Variants in MCU observed in about 807,000 individuals in gnomAD.
The protein encoded by MCU is mitochondrial calcium uniporter, also known as calcium uniporter protein, mitochondrial.
A neutral mutation model predicts 45.2 loss-of-function variants in MCU; 12 were observed. The ratio of observed to expected loss-of-function variants is 0.27; its 90% CI spans 0.17 to 0.43. MCU has a LOEUF of 0.43. MCU is among the 20% of genes least tolerant of loss of function. MCU has a pLI of 1.00. For synonymous variants in MCU, 160 were observed against 165.1 expected (o/e 0.97, Z 0.24); for missense variants, 324 against 436.7 (o/e 0.74, Z 2.30).
intron 1 of MCU, among the ~76,000 whole-genome samples, chr10:72,757,277 C>T (rs1468521029): frequency 3.3e-5 from 5 of 152,058 alleles, no homozygotes; most frequent in Non-Finnish European, 7.4e-5. Flanking sequence ...GAATCACCAC[C>T]ACCACCTCCT....
chr10:72,840,693 C>T (rs1001295037), intron 2 of MCU, among the ~76,000 whole-genome samples: 1 of 152,100 alleles, frequency 6.6e-6, no homozygotes, highest in South Asian at 2.1e-4. Flanking sequence ...GCACACAGAG[C>T]CTAAGTATTT....
intron 1 of MCU, among the ~76,000 whole-genome samples, chr10:72,753,880 CA>C (rs1367202146): frequency 1.3e-5 from 2 of 150,318 alleles, no homozygotes; most frequent in South Asian, 4.2e-4. Context: ...AGACTTTGTC[CA>C]AAAAAAACAA....
rs1438653445 is a variant in MCU, at chr10:72,859,365, A to G, written c.391+18A>G. ...TTCACCAGGTATAGTCACCATCATT[A>G]TTAATTACCATCTATCCCTCATTTC... On this transcript the variant is annotated intron_variant, in intron 3 of 7. Coordinates refer to ENST00000373053, the MANE Select transcript of MCU (RefSeq NM_138357.3). 1 of 1,590,946 alleles carries G rather than the reference A, an allele frequency of 6.3e-7. No individual in the cohort carries two copies. The highest frequency in any genetic ancestry group is 8.6e-7 in the Non-Finnish European group (1 of 1,166,366).
intron 1 of MCU, among the ~76,000 whole-genome samples, chr10:72,697,928 A>T (rs2132644858): frequency 6.7e-6 from 1 of 150,076 alleles, no homozygotes; most frequent in South Asian, 2.1e-4. Flanking sequence ...ATGTGTCACC[A>T]TGCCTAGCTC....
intron 1 of MCU, among the ~76,000 whole-genome samples, chr10:72,810,781 C>T (rs978710076): frequency 6.6e-6 from 1 of 152,108 alleles, no homozygotes; most frequent in African/African-American, 2.4e-5. Context: ...AGGTGTGAGC[C>T]ACTGCGCCTG....
Position 72,879,803 on chromosome 10 carries a change from T to C in MCU, c.862-4463T>C, listed in dbSNP as rs189077763. Among the ~76,000 whole-genome samples the C allele has an allele frequency of 3.5e-3, 537 of 152,218 alleles. 14 individuals are homozygous for C. The highest frequency in any genetic ancestry group is 2.1e-3 in the East Asian group (11 of 5,180). ...GCTCATGCCTGTAATCCCAGCACTTTGGGAGGCTGAGGCGGGCAGATCATT... is the reference window on the plus strand; with the variant it reads ...GCTCATGCCTGTAATCCCAGCACTTCGGGAGGCTGAGGCGGGCAGATCATT... On this transcript the variant is annotated intron_variant, in intron 6 of 7. Coordinates refer to ENST00000373053, the MANE Select transcript of MCU (RefSeq NM_138357.3).
Position 72,859,256 on chromosome 10 carries a change from A to T in MCU, c.300A>T (p.Thr100=). ...LPSRRERCQF[T]LKPISDSVGV... is the part of the protein sequence containing the mutation. ...CCCGGCGTGAACGCTGTCAGTTCAC[A>T]CTCAAGCCTATCTCTGACTCTGTTG... Residue 100 remains threonine (T), a synonymous_variant, in exon 3 of 8, where the codon ACA becomes ACT. Transcript: ENST00000373053. 2 of 1,613,522 alleles carry T rather than the reference A, an allele frequency of 1.2e-6. No individual in the cohort carries two copies. The highest frequency in any genetic ancestry group is 1.7e-6 in the Non-Finnish European group (2 of 1,179,742).
intron 1 of MCU, among the ~76,000 whole-genome samples, chr10:72,796,079 C>T (rs1844241132): frequency 6.6e-6 from 1 of 152,096 alleles, no homozygotes; most frequent in African/African-American, 2.4e-5. Context: ...CCAGGAAACC[C>T]AGGTCCATAC....
chr10:72,831,902 G>A (rs551104320), intron 1 of MCU, among the ~76,000 whole-genome samples: 7 of 152,218 alleles, frequency 4.6e-5, no homozygotes, highest in South Asian at 2.1e-4. Flanking sequence ...AGTGGTAAGC[G>A]ATGAAGTCAG....
intron 1 of MCU, among the ~76,000 whole-genome samples, chr10:72,761,197 CA>C (rs1843651961): frequency 6.6e-6 from 1 of 152,166 alleles, no homozygotes; most frequent in African/African-American, 2.4e-5. Flanking sequence ...TAATGTTTTG[CA>C]GTCCATTTTT....
chr10:72,793,474 C>G (rs1488100901), intron 1 of MCU, among the ~76,000 whole-genome samples: 1 of 152,092 alleles, frequency 6.6e-6, no homozygotes, highest in East Asian at 1.9e-4. Context: ...CAGGAATATA[C>G]TGGGTTCTGG....
intron 1 of MCU, among the ~76,000 whole-genome samples, chr10:72,814,822 A>G (rs1021590061): frequency 1.3e-5 from 2 of 152,258 alleles, no homozygotes; most frequent in Admixed American, 6.5e-5. Flanking sequence ...CTCAAATTAT[A>G]GATATGATCT....
At chr10:72,695,712 CTTT>C (rs201032987) in intron 1 of MCU, among the ~76,000 whole-genome samples, 19 of 138,478 alleles carry the variant, frequency 1.4e-4, no homozygotes, top group Admixed American at 1.5e-4. Flanking sequence ...AATTCCTTTA[CTTT>C]TTTTTTTTTT....
intron 1 of MCU, among the ~76,000 whole-genome samples, chr10:72,711,354 G>A: frequency 6.6e-6 from 1 of 151,378 alleles, no homozygotes; most frequent in East Asian, 2.0e-4. Context: ...CTGAGTAGCT[G>A]GGACCATAGG....
chr10:72,706,690 C>T (rs1174307194), intron 1 of MCU, among the ~76,000 whole-genome samples: 7 of 151,726 alleles, frequency 4.6e-5, no homozygotes, highest in Admixed American at 4.6e-4. Flanking sequence ...GCGTGCGCCA[C>T]CACATCCAGC....
chr10:72,768,122 C>CA (rs1025320157), intron 1 of MCU, among the ~76,000 whole-genome samples: 4 of 146,504 alleles, frequency 2.7e-5, no homozygotes, highest in Non-Finnish European at 6.1e-5. Context: ...ACAAAAAAAA[C>CA]AAAAAAACAA....
chr10:72,797,127 G>A (rs911778059), intron 1 of MCU, among the ~76,000 whole-genome samples: 1 of 151,926 alleles, frequency 6.6e-6, no homozygotes, highest in African/African-American at 2.4e-5. Flanking sequence ...CATGAACTGC[G>A]ATGGTCTAAG....
chr10:72,873,875 G>T (rs1050273418), intron 6 of MCU, among the ~76,000 whole-genome samples: 3 of 152,052 alleles, frequency 2.0e-5, no homozygotes, highest in Non-Finnish European at 4.4e-5. Context: ...CCCCATTGTG[G>T]GTTCGTGGTG....
chr10:72,791,472 ATTCTCTTTAGATAATGT>A lies in MCU; in HGVS notation c.151-42861_151-42845del, dbSNP rs1020246583. ...GTTTTTTATGTCAGTCCTTGGATGAATTCTCTTTAGATAATGTTTCTCTTTAGATAATGTTTCTCTTT... is the reference window on the plus strand; with the variant it reads ...GTTTTTTATGTCAGTCCTTGGATGAATTCTCTTTAGATAATGTTTCTCTTT... On this transcript the variant is annotated intron_variant, in intron 1 of 7. Transcript: ENST00000373053. Among the ~76,000 whole-genome samples the A allele has an allele frequency of 1.7e-4, 26 of 152,330 alleles. No individual in the cohort carries two copies. In the East Asian group the frequency reaches 1.9e-3, roughly 11 times the overall value.
Sources: allele counts gnomAD v4.1 joint callset (sites outside exome capture counted in the v4.1 genomes callset), GRCh38; gene constraint gnomAD v4.1.1; transcripts MANE v1.5; gene names NCBI Gene and HGNC (gene_info 2026-07-23, HGNC 2026-07-21).